The following RPS19 variants were observed in gnomAD, a reference collection of about 807,000 sequenced individuals.
RPS19 encodes the protein ribosomal protein S19, also known as small ribosomal subunit protein eS19.
In RPS19, 1 loss-of-function variant was observed where a neutral mutation model predicts 20.3. The ratio of observed to expected loss-of-function variants is 0.05; its 90% CI spans 0.02 to 0.23. The LOEUF is 0.23. RPS19 is among the 10% of genes least tolerant of loss of function. The probability of loss-of-function intolerance (pLI) is 1.00; values close to 1 mark genes in which losing one functional copy is unlikely to be tolerated. For missense variants in RPS19, 111 were observed against 192.7 expected, an observed-to-expected ratio of 0.58 and a Z score of 2.51; for synonymous variants, 87 against 74.8, an observed-to-expected ratio of 1.16 and a Z score of -0.84.
intron 5 of RPS19, among the ~76,000 whole-genome samples, chr19:41,870,207 A>C (rs1555841698): frequency 6.6e-6 from 1 of 150,886 alleles, no homozygotes; most frequent in East Asian, 2.0e-4. Flanking sequence ...ATGCCATTGC[A>C]CCCCAGCCTG....
At chr19:41,870,827 ACTCCACTC>A (rs2074139042) in intron 5 of RPS19, among the ~76,000 whole-genome samples, 1 of 105,104 alleles carries the variant, frequency 9.5e-6, no homozygotes, top group Admixed American at 1.2e-4. Context: ...CGGAATTTGG[ACTCCACTC>A]CGCCACTCCC....
intron 5 of RPS19, 81 bp from the exon 6 acceptor site, chr19:41,871,270 G>A: frequency 8.0e-7 from 1 of 1,256,682 alleles, no homozygotes; most frequent in Non-Finnish European, 1.2e-6. Flanking sequence ...CCCACCTGTG[G>A]TGGGTAGTTA....
At chr19:41,866,825 G>A (rs1005518799) in intron 3 of RPS19, among the ~76,000 whole-genome samples, 2 of 150,972 alleles carry the variant, frequency 1.3e-5, no homozygotes, top group African/African-American at 4.9e-5. Flanking sequence ...GACCATCCTC[G>A]CTAACACGGT....
intron 3 of RPS19, among the ~76,000 whole-genome samples, chr19:41,863,617 A>G (rs2074055423): frequency 6.6e-6 from 1 of 152,098 alleles, no homozygotes; most frequent in Non-Finnish European, 1.5e-5. Context: ...ACAGGTCTTA[A>G]TCCTGGGGTT....
At position 41,860,864 on chromosome 19, in the gene RPS19, G is replaced by A. The variant is rs377615364; in HGVS notation, c.71+19G>A. 1.2e-4 allele frequency: 186 copies of A among 1,603,944 alleles called. No individual in the cohort carries two copies. The highest frequency in any genetic ancestry group is 4.1e-4 in the South Asian group (37 of 90,882). ...TCAAAAAGTGAGTTTGGGGACTGAG[G>A]TTCAAAACGGGTGGAGGCTGTCGCC... On this transcript the variant is annotated intron_variant, in intron 2 of 5. Coordinates refer to ENST00000598742, the MANE Select transcript of RPS19 (RefSeq NM_001022.4).
chr19:41,864,352 G>A (rs1555839987), intron 3 of RPS19: 2 of 152,252 alleles, frequency 1.3e-5, no homozygotes, highest in East Asian at 3.8e-4. Context: ...ATGAGATCTG[G>A]GAGGCATCAC....
chr19:41,865,972 G>A (rs1181546966), intron 3 of RPS19, among the ~76,000 whole-genome samples: 3 of 99,338 alleles, frequency 3.0e-5, no homozygotes, highest in South Asian at 3.6e-4. Flanking sequence ...AAAAAAAAAA[G>A]GCCGGGCGCG....
At chr19:41,863,745 G>A (rs1272994005) in intron 3 of RPS19, 1 of 152,300 alleles carries the variant, frequency 6.6e-6, no homozygotes, top group African/African-American at 2.4e-5. Context: ...GGGCAAGGTA[G>A]AGGAAGAACC....
intron 5 of RPS19, among the ~76,000 whole-genome samples, chr19:41,870,372 GC>G (rs1339806665): frequency 6.6e-6 from 1 of 152,146 alleles, no homozygotes; most frequent in African/African-American, 2.4e-5. Flanking sequence ...TAGTCCTCAT[GC>G]GTACTGAGCA....
At chr19:41,870,970 C>T (rs573553191) in intron 5 of RPS19, among the ~76,000 whole-genome samples, 42 of 145,670 alleles carry the variant, frequency 2.9e-4, no homozygotes, top group Non-Finnish European at 3.4e-4. Flanking sequence ...TCAAGCAATT[C>T]TCCTATCTCA....
Position 41,860,961 on chromosome 19 carries a change from T to G in RPS19, c.71+116T>G, listed in dbSNP as rs2074023619. 16 of 1,135,546 alleles carry G rather than the reference T, an allele frequency of 1.4e-5. No homozygotes were observed. The East Asian group carries it at 3.8e-4, about 27-fold the overall frequency. 70.3% of individuals were successfully genotyped at this position (1,135,546 alleles called of 1,614,324 possible). A position where few individuals can be genotyped will look rare whatever the true frequency, so the allele number is the denominator to read the frequency against. Reference sequence around the variant, plus strand: ...GAGGCTTGTTTGGGGCCTCCGTGGCTCCTTTCAGCGTGAGGCCTGGCTTGT... The same window carrying G: ...GAGGCTTGTTTGGGGCCTCCGTGGCGCCTTTCAGCGTGAGGCCTGGCTTGT... On this transcript the variant is annotated intron_variant, in intron 2 of 5. Transcript: ENST00000598742.
intron 3 of RPS19, chr19:41,864,458 C>T (rs1555840006): frequency 6.6e-6 from 1 of 152,246 alleles, no homozygotes; most frequent in African/African-American, 2.4e-5. Context: ...AAGTTCTTCC[C>T]TGCCTTTGAC....
intron 3 of RPS19, 75 bp downstream of exon 3, chr19:41,861,287 C>T (rs879986028): frequency 5.6e-6 from 6 of 1,068,712 alleles, no homozygotes; most frequent in Admixed American, 1.8e-5. Context: ...TCCCTGTCTC[C>T]TCTGAGCTCT....
At chr19:41,864,815 G>A (rs2074068032) in intron 3 of RPS19, 1 of 152,234 alleles carries the variant, frequency 6.6e-6, no homozygotes. Context: ...GCCCTCATGA[G>A]TACCAGCTAC....
Position 41,869,682 on chromosome 19 carries a change from CCCTT to C in RPS19, c.357-14_357-11del. On this transcript the variant is annotated splice_polypyrimidine_tract_variant and intron_variant, in intron 4 of 5. Transcript: ENST00000598742. ...CCTGTGCTCACTGGGGCCTGCATGA[CCCTT>C]CCCTCCCCACAGCGGCCGCAAACTG... 6.2e-7 allele frequency: 1 copy of C among 1,613,552 alleles called. No homozygotes were observed. Among genetic ancestry groups the C allele is most frequent in the Non-Finnish European group, 8.5e-7 (1 of 1,179,746 alleles).
chr19:41,867,872 G>A (rs1276400202), intron 3 of RPS19, among the ~76,000 whole-genome samples: 1 of 152,160 alleles, frequency 6.6e-6, no homozygotes, highest in Non-Finnish European at 1.5e-5. Flanking sequence ...TTGAATTGTA[G>A]TTTTTTTCCC....
intron 5 of RPS19, among the ~76,000 whole-genome samples, chr19:41,870,576 G>C (rs1208358091): frequency 2.1e-5 from 3 of 146,180 alleles, no homozygotes; most frequent in Non-Finnish European, 4.4e-5. Context: ...TGAGGAGTCA[G>C]TGAGCTATAG....
intron 3 of RPS19, among the ~76,000 whole-genome samples, chr19:41,868,779 T>C (rs1555841209): frequency 6.6e-6 from 1 of 151,560 alleles, no homozygotes; most frequent in Non-Finnish European, 1.5e-5. Flanking sequence ...GCAGTGCTGC[T>C]GGGATAGTAA....
At chr19:41,870,701 C>T (rs1323853924) in intron 5 of RPS19, among the ~76,000 whole-genome samples, 4 of 152,008 alleles carry the variant, frequency 2.6e-5, no homozygotes, top group African/African-American at 7.2e-5. Context: ...TGGAAAGTGT[C>T]AGCCCTCTAG....
Sources: allele counts gnomAD v4.1 joint callset (sites outside exome capture counted in the v4.1 genomes callset), GRCh38; gene constraint gnomAD v4.1.1; transcripts MANE v1.5; gene names NCBI Gene and HGNC (gene_info 2026-07-23, HGNC 2026-07-21).